MRGPRX3: variants seen among roughly 807,000 people sequenced by gnomAD.
MRGPRX3 encodes the protein MAS related GPR family member X3.
MRGPRX3 carries 14 observed loss-of-function variants against 16.5 expected under a neutral mutation model. That is an observed-to-expected ratio of 0.85 (90% CI 0.56 to 1.33). The LOEUF (loss-of-function observed/expected upper bound fraction) is 1.33. MRGPRX3 is among the 40% of genes most tolerant of loss of function. The probability of loss-of-function intolerance (pLI) is 0.00; values close to 1 mark genes in which losing one functional copy is unlikely to be tolerated. For synonymous variants in MRGPRX3, 199 were observed against 180.1 expected (o/e 1.10, Z -0.84); for missense variants, 449 against 413.0 (o/e 1.09, Z -0.76).
At chr11:18,131,151 A>C (rs568382765), upstream of MRGPRX3, among the ~76,000 whole-genome samples, 2 of 152,332 alleles carry the variant, frequency 1.3e-5, no homozygotes, top group East Asian at 3.9e-4. Context: ...AAGAACCCAA[A>C]AGTAAATGCA....
In MRGPRX3 at chr11:18,137,866, G is replaced by A. The variant is rs757705228; in HGVS notation, c.664G>A (p.Val222Met). ...GCTGTACGTGACCATCCTCCTCACA[G>A]TGCTGGTCTTCCTCCTCTGTGGCCT... is the stretch of plus-strand genomic sequence containing the variant. ...TRLYVTILLT[V>M]LVFLLCGLPF... Residue 222 changes from valine (V) to methionine (M), a missense_variant, in exon 2 of 2, where the codon GTG becomes ATG. Transcript: ENST00000621697. The A allele has an allele frequency of 2.5e-6, 4 of 1,614,226 alleles. No homozygotes were observed. In the East Asian group the frequency reaches 8.9e-5, roughly 36 times the overall value.
At chr11:18,128,595 T>C (rs1848926630), upstream of MRGPRX3, among the ~76,000 whole-genome samples, 1 of 152,200 alleles carries the variant, frequency 6.6e-6, no homozygotes, top group Non-Finnish European at 1.5e-5. Context: ...GGATACAATC[T>C]CCTGGTGTGC....
chr11:18,137,285 T>C lies in MRGPRX3; in HGVS notation c.83T>C (p.Leu28Pro), dbSNP rs373818100. Reference protein sequence around the residue: ...REETPCYKQTLSFTGLTCIVS... With the variant: ...REETPCYKQTPSFTGLTCIVS... ...GAGACTCCTTGCTACAAGCAGACCC[T>C]GAGCTTCACGGGGCTGACGTGCATC... The change falls in exon 2 of 2, where the codon CTG (leucine) becomes CCG (proline). Residue 28 changes from leucine to proline, a missense_variant. Physicochemically the swap from Leu to Pro is moderately conservative, Grantham distance 98. Transcript: ENST00000621697. 2 of 1,613,960 alleles carry C rather than the reference T, an allele frequency of 1.2e-6. No individual in the cohort carries two copies. The highest frequency in any genetic ancestry group is 2.7e-5 in the African/African-American group (2 of 74,914).
At chr11:18,132,093 A>C (rs1446938525), upstream of MRGPRX3, among the ~76,000 whole-genome samples, 8 of 152,222 alleles carry the variant, frequency 5.3e-5, no homozygotes, top group Admixed American at 5.2e-4. Context: ...AATTTCACAG[A>C]ATTTAAAAAA....
Position 18,137,464 on chromosome 11 carries a change from A to G in MRGPRX3, c.262A>G (p.Ile88Val), listed in dbSNP as rs1233872193. 6.2e-7 allele frequency: 1 copy of G among 1,614,052 alleles called. No individual in the cohort carries two copies. Among genetic ancestry groups the G allele is most frequent in the East Asian group, 2.2e-5 (1 of 44,872 alleles). The change falls in exon 2 of 2, where the codon ATC becomes GTC. Residue 88 changes from isoleucine to valine, a missense_variant. By Grantham distance (29) the Ile-to-Val change is conservative. Transcript: ENST00000621697. ...GHIICSPLRL[I>V]NIRHPISKIL... Reference sequence around the variant, plus strand: ...CATTATATGTTCGCCGTTACGCCTCATCAATATCCGCCATCCCATCTCCAA... The same window carrying G: ...CATTATATGTTCGCCGTTACGCCTCGTCAATATCCGCCATCCCATCTCCAA...
chr11:18,125,136 A>G (rs542993094), intron 1 of MRGPRX3, among the ~76,000 whole-genome samples: 11,436 of 152,070 alleles, frequency 0.075, 446 homozygotes, highest in Middle Eastern at 0.11. Context: ...TTTCAAAAAA[A>G]CAGCTCCTGG....
At chr11:18,129,111 A>G (rs929541209), upstream of MRGPRX3, among the ~76,000 whole-genome samples, 4 of 152,236 alleles carry the variant, frequency 2.6e-5, no homozygotes, top group Non-Finnish European at 5.9e-5. Context: ...CAAATAGACA[A>G]TCTGAAGTCA....
rs1161194579 is a variant in MRGPRX3 at position 18,135,706 on chromosome 11, T to G, written c.-25-1472T>G. On this transcript the variant is annotated intron_variant, in intron 1 of 1. Coordinates refer to ENST00000621697, the MANE Select transcript of MRGPRX3 (RefSeq NM_001370464.1). ...CAGCCCACAATTTTGACTGTCAACT[T>G]GGATTTAACTTGAGAATCACTCCTC... is the stretch of plus-strand genomic sequence containing the variant. Among the ~76,000 whole-genome samples, 6 of 152,292 alleles carry G rather than the reference T, an allele frequency of 3.9e-5. No homozygotes were observed. The East Asian group carries it at 9.6e-4, about 24-fold the overall frequency.
At chr11:18,134,935 A>T (rs1848995019) in intron 1 of MRGPRX3, among the ~76,000 whole-genome samples, 1 of 152,204 alleles carries the variant, frequency 6.6e-6, no homozygotes, top group African/African-American at 2.4e-5. Context: ...TTATGTGACC[A>T]AAAAAGGAAA....
chr11:18,134,256 T>G (rs1340962587), intron 1 of MRGPRX3, among the ~76,000 whole-genome samples: 1 of 152,228 alleles, frequency 6.6e-6, no homozygotes, highest in African/African-American at 2.4e-5. Context: ...AGAAATATCT[T>G]AAACAAGAAA....
chr11:18,137,768 T>C lies in MRGPRX3; in HGVS notation c.566T>C (p.Val189Ala). The change falls in exon 2 of 2, where the codon GTG becomes GCG. Residue 189 changes from valine (V) to alanine (A), a missense_variant. Coordinates refer to ENST00000621697, the MANE Select transcript of MRGPRX3 (RefSeq NM_001370464.1). Reference sequence around the variant, plus strand: ...ATCGCGTGGCTGGTTTTTTTATGTGTGGTTCTCTGTGGGTCCAGCCTGGTC... The same window carrying C: ...ATCGCGTGGCTGGTTTTTTTATGTGCGGTTCTCTGTGGGTCCAGCCTGGTC... The part of the protein sequence containing the change: ...ITIAWLVFLC[V>A]VLCGSSLVLL... 1.2e-6 allele frequency: 2 copies of C among 1,614,124 alleles called. No individual in the cohort carries two copies. Among genetic ancestry groups the C allele is most frequent in the Non-Finnish European group, 1.7e-6 (2 of 1,180,034 alleles).
At chr11:18,129,020 A>T (rs1848932934), upstream of MRGPRX3, among the ~76,000 whole-genome samples, 1 of 152,218 alleles carries the variant, frequency 6.6e-6, no homozygotes, top group Non-Finnish European at 1.5e-5. Flanking sequence ...AACCTATCAA[A>T]ACCTCTGAAA....
chr11:18,137,958 T>A lies in MRGPRX3; in HGVS notation c.756T>A (p.His252Gln). The change falls in exon 2 of 2, where the codon CAT (histidine) becomes CAA (glutamine). Residue 252 changes from histidine to glutamine, a missense_variant. Coordinates refer to ENST00000621697, the MANE Select transcript of MRGPRX3 (RefSeq NM_001370464.1). Reference protein sequence around the residue: ...IHLDWKVLFCHVHLVSIFLSA... With the variant: ...IHLDWKVLFCQVHLVSIFLSA... ...TGGATTGGAAAGTCTTATTTTGTCA[T>A]GTGCATCTAGTTTCCATTTTCCTGT... 6 of 1,614,238 alleles carry A rather than the reference T, an allele frequency of 3.7e-6. No individual in the cohort carries two copies. The highest frequency in any genetic ancestry group is 5.1e-6 in the Non-Finnish European group (6 of 1,180,038).
At position 18,137,748 on chromosome 11, in the gene MRGPRX3, G is replaced by C. The variant is rs147746956; in HGVS notation, c.546G>C (p.Ala182=). 1 of 1,613,988 alleles carries C rather than the reference G, an allele frequency of 6.2e-7. No homozygotes were observed. The highest frequency in any genetic ancestry group is 8.5e-7 in the Non-Finnish European group (1 of 1,180,038). ...WCETSDFITI[A]WLVFLCVVLC... The stretch of plus-strand genomic sequence containing the variant: ...AAACGTCAGATTTCATTACAATCGC[G>C]TGGCTGGTTTTTTTATGTGTGGTTC... The change falls in exon 2 of 2, where the codon GCG becomes GCC. Residue 182 remains alanine (A), a synonymous_variant. Transcript: ENST00000621697.
upstream of MRGPRX3, among the ~76,000 whole-genome samples, chr11:18,128,239 G>A (rs1848922743): frequency 6.6e-6 from 1 of 152,230 alleles, no homozygotes; most frequent in African/African-American, 2.4e-5. Context: ...ACTCACTTGA[G>A]GAGGCAGTCT....
intron 1 of MRGPRX3, among the ~76,000 whole-genome samples, chr11:18,135,858 C>T (rs749713580): frequency 2.0e-5 from 3 of 152,080 alleles, no homozygotes; most frequent in Admixed American, 6.6e-5. Context: ...TATAACCCCC[C>T]GGACAAATAA....
intron 1 of MRGPRX3, among the ~76,000 whole-genome samples, chr11:18,122,099 T>C (rs1848845694): frequency 6.7e-6 from 1 of 149,744 alleles, no homozygotes; most frequent in South Asian, 2.1e-4. Flanking sequence ...ATGTTTATGA[T>C]GCAAAAAAAA....
intron 1 of MRGPRX3, among the ~76,000 whole-genome samples, chr11:18,122,747 T>C (rs909198192): frequency 6.6e-6 from 1 of 152,204 alleles, no homozygotes; most frequent in Non-Finnish European, 1.5e-5. Flanking sequence ...TCCTAGATCC[T>C]TGAGGAATCG....
Position 18,137,183 on chromosome 11 carries a change from T to A in MRGPRX3, c.-20T>A. 6.4e-7 allele frequency: 1 copy of A among 1,562,016 alleles called. No homozygotes were observed. Among genetic ancestry groups the A allele is most frequent in the Non-Finnish European group, 8.7e-7 (1 of 1,151,982 alleles). ...CATCTGGTTTCTGTTTCCAGGGTCA[T>A]CAGACTGGGGTTTCTGAGCATGGAT... On this transcript the variant is annotated 5_prime_UTR_variant, in exon 2 of 2. Coordinates refer to ENST00000621697, the MANE Select transcript of MRGPRX3 (RefSeq NM_001370464.1).
Sources: gnomAD v4.1 joint callset for allele counts (sites outside exome capture counted in the v4.1 genomes callset) on GRCh38, gnomAD v4.1.1 for gene constraint, MANE v1.5 for transcripts, NCBI Gene and HGNC (gene_info 2026-07-23, HGNC 2026-07-21) for gene names.